The following NLRP7 variants were observed in gnomAD, a reference collection of about 807,000 sequenced individuals.
NLRP7 encodes NACHT, LRR and PYD domains-containing protein 7.
Under a neutral mutation model 85.5 loss-of-function variants are expected in NLRP7, and 72 were observed. The ratio of observed to expected loss-of-function variants is 0.84; its 90% confidence interval spans 0.70 to 1.02. NLRP7 has a LOEUF of 1.02. NLRP7 is among the 50% of genes least tolerant of loss of function. The pLI, the probability that NLRP7 is intolerant of heterozygous loss-of-function variation, is 0.00. For missense variants in NLRP7, 1,243 were observed against 1,219.5 expected (o/e 1.02, Z -0.29); for synonymous variants, 550 against 505.2 (o/e 1.09, Z -1.19).
At chr19:54,947,650 T>C (rs1297404861), upstream of NLRP7, 4 of 1,289,196 alleles carry the variant, frequency 3.1e-6, no homozygotes, top group South Asian at 4.9e-5. Context: ...CACCTTGACA[T>C]CACCTGGGCC....
In NLRP7 at chr19:54,946,484, C is replaced by T. The variant is rs1293303585; in HGVS notation, c.-40+985G>A. 1.8e-4 allele frequency among the ~76,000 whole-genome samples: 27 copies of T among 151,532 alleles called. No homozygotes were observed. In the South Asian group the frequency reaches 3.7e-3, roughly 21 times the overall value. On this transcript the variant is annotated intron_variant, in intron 1 of 9. Coordinates refer to ENST00000340844, the Ensembl canonical transcript of NLRP7. ...TGCTGGGATTACAGGCGTGAGCCACCGCGCCCAGCCTACTTTTTTTTTTTT... is the reference window on the plus strand; with the variant it reads ...TGCTGGGATTACAGGCGTGAGCCACTGCGCCCAGCCTACTTTTTTTTTTTT...
chr19:54,947,459 C>A lies in NLRP7; in HGVS notation c.-40+10G>T. 7.8e-7 allele frequency: 1 copy of A among 1,289,352 alleles called. No individual in the cohort carries two copies. Among genetic ancestry groups the A allele is most frequent in the Non-Finnish European group, 1.0e-6 (1 of 988,510 alleles). 79.9% of individuals were successfully genotyped at this position (1,289,352 alleles called of 1,614,324 possible). On this transcript the variant is annotated intron_variant, in intron 1 of 9. Coordinates refer to ENST00000340844, the Ensembl canonical transcript of NLRP7. Reference sequence around the variant, plus strand: ...AAGACAAAGAAATCGATGCAAGAACCAGCACTCACCTCCCTCAGGTCAGGT... The same window carrying A: ...AAGACAAAGAAATCGATGCAAGAACAAGCACTCACCTCCCTCAGGTCAGGT...
exon 5 of NLRP7, chr19:54,938,163 G>A (rs1475344111): frequency 5.0e-6 from 8 of 1,613,962 alleles, no homozygotes; most frequent in African/African-American, 2.7e-5. Flanking sequence ...TTGAGCTGAA[G>A]AGAGAGCAGA....
At chr19:54,952,451 G>C (rs569562035), upstream of NLRP7, among the ~76,000 whole-genome samples, 1 of 152,026 alleles carries the variant, frequency 6.6e-6, no homozygotes, top group African/African-American at 2.4e-5. Flanking sequence ...AAAATTAGTC[G>C]GGCGTGGTAG....
At position 54,938,141 on chromosome 19, in the gene NLRP7, T is replaced by A. The variant is rs1556729863; in HGVS notation, c.2032A>T (p.Lys678Ter). ...AAGCTTTGTTTCACTTCCAGAAACT[T>A]GAGGTTGCTGTTTGAGCTGAAGAGA... The change falls in exon 5 of 10, where the codon AAG (lysine) becomes TAG (stop). Residue 678 changes from lysine to a stop codon, truncating the protein, a stop_gained. Transcript: ENST00000340844. LOFTEE classifies it high-confidence loss of function. 1.9e-6 allele frequency: 3 copies of A among 1,613,902 alleles called. No individual in the cohort carries two copies. The highest frequency in any genetic ancestry group is 2.5e-6 in the Non-Finnish European group (3 of 1,179,918).
At chr19:54,937,378 G>T (rs1256376381) in intron 5 of NLRP7, among the ~76,000 whole-genome samples, 2 of 150,940 alleles carry the variant, frequency 1.3e-5, no homozygotes, top group African/African-American at 2.4e-5. Flanking sequence ...GTTTGTTTTG[G>T]TAACAAAACA....
At chr19:54,939,782 G>C in exon 4 of NLRP7, 1 of 1,613,956 alleles carries the variant, frequency 6.2e-7, no homozygotes, top group Non-Finnish European at 8.5e-7. Flanking sequence ...TAGCTCAAAG[G>C]CACGCATGGC....
chr19:54,958,233 A>G (rs969921429), intron 1 of NLRP7, among the ~76,000 whole-genome samples: 3 of 152,144 alleles, frequency 2.0e-5, no homozygotes, highest in Admixed American at 1.3e-4. Context: ...AGGGACAGGG[A>G]AAGAGAATTT....
intron 1 of NLRP7, among the ~76,000 whole-genome samples, chr19:54,943,584 G>A (rs555521892): frequency 2.7e-5 from 4 of 146,938 alleles, no homozygotes; most frequent in Non-Finnish European, 6.0e-5. Context: ...CTGGGCGACA[G>A]AGCGAGACTC....
At chr19:54,952,131 T>C (rs2069689324), upstream of NLRP7, among the ~76,000 whole-genome samples, 2 of 152,142 alleles carry the variant, frequency 1.3e-5, no homozygotes, top group South Asian at 4.1e-4. Flanking sequence ...TGTTTAAGGA[T>C]GGTTTCAGAT....
At chr19:54,927,724 A>T in intron 9 of NLRP7, 2 of 1,614,034 alleles carry the variant, frequency 1.2e-6, no homozygotes, top group Non-Finnish European at 1.7e-6. Flanking sequence ...TGCTGAGGAG[A>T]GCAGATCCAA....
intron 1 of NLRP7, among the ~76,000 whole-genome samples, chr19:54,943,398 G>A (rs1200439696): frequency 6.6e-6 from 1 of 152,008 alleles, no homozygotes; most frequent in Non-Finnish European, 1.5e-5. Flanking sequence ...TCAGGAGATC[G>A]AGACCATCCT....
intron 1 of NLRP7, among the ~76,000 whole-genome samples, chr19:54,963,325 AGAGT>A (rs1275543204): frequency 2.0e-5 from 3 of 152,186 alleles, no homozygotes; most frequent in Admixed American, 6.6e-5. Flanking sequence ...CCTAGGCGAC[AGAGT>A]GAGACCCTGT....
chr19:54,940,707 A>G (rs1264127506), intron 3 of NLRP7, among the ~76,000 whole-genome samples: 1 of 151,948 alleles, frequency 6.6e-6, no homozygotes, highest in Non-Finnish European at 1.5e-5. Context: ...GGCCGCCTGT[A>G]ATCCCGGCTA....
chr19:54,940,898 C>A, intron 3 of NLRP7, 33 bp downstream of exon 3: 1 of 1,366,462 alleles, frequency 7.3e-7, no homozygotes, highest in Non-Finnish European at 1.0e-6. Flanking sequence ...TCTCAAACAC[C>A]AAACTCATGA....
rs1416335242 is a variant in NLRP7, at chr19:54,940,474, G to A, written c.353-8C>T. The stretch of plus-strand genomic sequence containing the variant: ...TCCATCCTTCCTTTTCACCTGCAGT[G>A]ACAGCCCATAGGACAGTTGAGGTTG... On this transcript the variant is annotated splice_region_variant and splice_polypyrimidine_tract_variant and intron_variant, in intron 3 of 9. Coordinates refer to ENST00000340844, the Ensembl canonical transcript of NLRP7. 3 of 1,613,202 alleles carry A rather than the reference G, an allele frequency of 1.9e-6. No individual in the cohort carries two copies. The African/African-American group carries it at 4.0e-5, about 22-fold the overall frequency.
rs61745087 is a variant in NLRP7, at chr19:54,939,529, G to A, written c.1290C>T (p.Phe430=). Residue 430 remains phenylalanine, a synonymous_variant, in exon 4 of 10, where the codon TTC becomes TTT. Transcript: ENST00000340844. Reference sequence around the variant, plus strand: ...CGAGCCTTTCCAGGTCCTCTCGGTGGAACACGGACATCTGCGCCCACAGGC... The same window carrying A: ...CGAGCCTTTCCAGGTCCTCTCGGTGAAACACGGACATCTGCGCCCACAGGC... 45 of 1,613,070 alleles carry A rather than the reference G, an allele frequency of 2.8e-5. No individual in the cohort carries two copies. In the Middle Eastern group the frequency reaches 5.0e-4, roughly 18 times the overall value.
chr19:54,959,586 G>A lies in NLRP7; in HGVS notation c.-77+6454C>T, dbSNP rs555749046. On this transcript the variant is annotated intron_variant, in intron 1 of 2. Transcript: ENST00000587103. ...ATAGCACTTTAGGAGGTTGAGGTGGGAGGATCCCTTGAGCCCAGGAGCTCA... is the reference window on the plus strand; with the variant it reads ...ATAGCACTTTAGGAGGTTGAGGTGGAAGGATCCCTTGAGCCCAGGAGCTCA... Among the ~76,000 whole-genome samples, 185 of 151,836 alleles carry A rather than the reference G, an allele frequency of 1.2e-3. 1 individual carries two copies. The highest frequency in any genetic ancestry group is 4.4e-3 in the African/African-American group (183 of 41,496).
intron 1 of NLRP7, among the ~76,000 whole-genome samples, chr19:54,964,253 G>A (rs1301969362): frequency 9.4e-6 from 1 of 106,348 alleles, no homozygotes; most frequent in Non-Finnish European, 1.7e-5. Flanking sequence ...GCCTTGCTCT[G>A]TCGCCCAGGC....
Sources: gnomAD v4.1 joint callset for allele counts (sites outside exome capture counted in the v4.1 genomes callset) on GRCh38, gnomAD v4.1.1 for gene constraint, MANE v1.5 for transcripts, NCBI Gene and HGNC (gene_info 2026-07-23, HGNC 2026-07-21) for gene names.